The following HS3ST3A1 variants were observed in gnomAD, a reference collection of about 807,000 sequenced individuals.
The protein encoded by HS3ST3A1 is heparan sulfate-glucosamine 3-sulfotransferase 3A1.
HS3ST3A1 carries 19 observed loss-of-function variants against 25.7 expected under a neutral mutation model. The ratio of observed to expected loss-of-function variants is 0.74; its 90% CI spans 0.52 to 1.08. The LOEUF (loss-of-function observed/expected upper bound fraction) is 1.08, where lower values mean the gene tolerates loss of function less well. HS3ST3A1 is among the 50% of genes least tolerant of loss of function. HS3ST3A1 has a pLI of 0.00. For missense variants in HS3ST3A1, 459 were observed against 594.3 expected (o/e 0.77, Z 2.37); for synonymous variants, 226 against 278.6 (o/e 0.81, Z 1.88).
At chr17:13,581,145 A>G (rs1034670635) in intron 1 of HS3ST3A1, among the ~76,000 whole-genome samples, 1 of 152,194 alleles carries the variant, frequency 6.6e-6, no homozygotes, top group Non-Finnish European at 1.5e-5. Flanking sequence ...GCATTTCAAT[A>G]CAAGCATTAC....
Position 13,600,879 on chromosome 17 carries a change from G to C in HS3ST3A1, c.251C>G (p.Ala84Gly), listed in dbSNP as rs1908712344. ...TTGCAGGAGGCGCTTTCTCTGTGCC[G>C]CCGCCGGCCACACCGCCAGCTCCCT... ...GPRELAVWPA[A>G]AQRKRLLQLP... The change falls in exon 1 of 2, where the codon GCG becomes GGG. Residue 84 changes from alanine to glycine, a missense_variant. Transcript: ENST00000284110. 1 of 1,466,038 alleles carries C rather than the reference G, an allele frequency of 6.8e-7. No homozygotes were observed. Among genetic ancestry groups the C allele is most frequent in the Non-Finnish European group, 9.0e-7 (1 of 1,117,072 alleles). 90.8% of individuals were successfully genotyped at this position (1,466,038 alleles called of 1,614,324 possible). A position where few individuals can be genotyped will look rare whatever the true frequency, so the allele number is the denominator to read the frequency against.
At chr17:13,524,351 G>T (rs1480099927) in intron 1 of HS3ST3A1, among the ~76,000 whole-genome samples, 1 of 152,078 alleles carries the variant, frequency 6.6e-6, no homozygotes, top group Non-Finnish European at 1.5e-5. Context: ...TCAAGCTCCA[G>T]GGCTCAAGCG....
intron 1 of HS3ST3A1, among the ~76,000 whole-genome samples, chr17:13,568,946 C>T (rs1264788712): frequency 6.6e-6 from 1 of 152,140 alleles, no homozygotes; most frequent in Non-Finnish European, 1.5e-5. Flanking sequence ...GGTTTTAATT[C>T]CTTATGAGAG....
At chr17:13,545,247 A>G (rs1352889393) in intron 1 of HS3ST3A1, among the ~76,000 whole-genome samples, 1 of 152,226 alleles carries the variant, frequency 6.6e-6, no homozygotes, top group South Asian at 2.1e-4. Context: ...ATACCTAAAT[A>G]AAATTGATAT....
At chr17:13,543,123 T>C (rs1906982651) in intron 1 of HS3ST3A1, among the ~76,000 whole-genome samples, 1 of 152,190 alleles carries the variant, frequency 6.6e-6, no homozygotes, top group African/African-American at 2.4e-5. Flanking sequence ...TGGGTCAACA[T>C]AAGTGTTTCC....
At chr17:13,545,173 A>G (rs1482218866) in intron 1 of HS3ST3A1, among the ~76,000 whole-genome samples, 1 of 152,230 alleles carries the variant, frequency 6.6e-6, no homozygotes, top group East Asian at 1.9e-4. Flanking sequence ...TCTGACAACT[A>G]CCAAGATCAC....
intron 1 of HS3ST3A1, among the ~76,000 whole-genome samples, chr17:13,595,639 A>C (rs1908553940): frequency 6.6e-6 from 1 of 152,232 alleles, no homozygotes; most frequent in Non-Finnish European, 1.5e-5. Context: ...AATTTTCTAA[A>C]AGCTTGGAGT....
intron 1 of HS3ST3A1, among the ~76,000 whole-genome samples, chr17:13,521,919 T>C (rs1906258140): frequency 6.6e-6 from 1 of 152,136 alleles, no homozygotes; most frequent in Non-Finnish European, 1.5e-5. Context: ...TTAGGCAGCA[T>C]CTCTGGACTG....
intron 1 of HS3ST3A1, among the ~76,000 whole-genome samples, chr17:13,555,598 G>A (rs1907350989): frequency 6.6e-6 from 1 of 152,148 alleles, no homozygotes; most frequent in South Asian, 2.1e-4. Flanking sequence ...ATGTTAGACT[G>A]TATTAAGAGC....
At chr17:13,539,720 A>G (rs1906874811) in intron 1 of HS3ST3A1, among the ~76,000 whole-genome samples, 1 of 132,132 alleles carries the variant, frequency 7.6e-6, no homozygotes. Flanking sequence ...AATTCGAAAG[A>G]GACGTTAGCT....
chr17:13,560,319 A>AAAAAAAAAAAAAAAAT (rs1907502490), intron 1 of HS3ST3A1, among the ~76,000 whole-genome samples: 26 of 143,918 alleles, frequency 1.8e-4, no homozygotes, highest in Admixed American at 3.5e-4. Context: ...AAAAAAAAAA[A>AAAAAAAAAAAAAAAAT]GTGTATTACC....
intron 1 of HS3ST3A1, among the ~76,000 whole-genome samples, chr17:13,567,285 GAA>G (rs776689253): frequency 5.9e-5 from 9 of 151,736 alleles, no homozygotes; most frequent in Non-Finnish European, 1.2e-4. Flanking sequence ...CTACTGCTCA[GAA>G]AAAAAAGATA....
intron 1 of HS3ST3A1, among the ~76,000 whole-genome samples, chr17:13,595,062 T>A (rs1371474911): frequency 6.6e-6 from 1 of 151,080 alleles, no homozygotes; most frequent in African/African-American, 2.4e-5. Context: ...AGTACTAAAC[T>A]TCATTGTTAA....
intron 1 of HS3ST3A1, chr17:13,543,773 T>C (rs941997599): frequency 6.5e-6 from 1 of 152,880 alleles, no homozygotes; most frequent in Admixed American, 6.5e-5. Flanking sequence ...AGAATGAGAA[T>C]GAGCTACATA....
At position 13,496,706 on chromosome 17, in the gene HS3ST3A1, G is replaced by T. The variant is rs539769480; in HGVS notation, c.712C>A (p.Leu238Ile). 6.2e-7 allele frequency: 1 copy of T among 1,614,116 alleles called. No homozygotes were observed. Among genetic ancestry groups the T allele is most frequent in the East Asian group, 2.2e-5 (1 of 44,868 alleles). ...RISAMSKDTK[L>I]IVVVRDPVTR... ...ACCGGGTCCCGCACCACCACGATGAGCTTGGTGTCCTTGGACATGGCCGAG... is the reference window on the plus strand; with the variant it reads ...ACCGGGTCCCGCACCACCACGATGATCTTGGTGTCCTTGGACATGGCCGAG... Residue 238 changes from leucine to isoleucine, a missense_variant, in exon 2 of 2, where the codon CTC becomes ATC. Leu to Ile is a conservative substitution (Grantham distance 5). This residue lies in a region of HS3ST3A1 where 67 missense variants were observed against 231.4 expected (regional missense o/e 0.29). Coordinates refer to ENST00000284110, the MANE Select transcript of HS3ST3A1 (RefSeq NM_006042.3).
At chr17:13,534,149 T>C (rs1393358693) in intron 1 of HS3ST3A1, among the ~76,000 whole-genome samples, 2 of 152,142 alleles carry the variant, frequency 1.3e-5, no homozygotes, top group African/African-American at 4.8e-5. Flanking sequence ...TTGCTCTACT[T>C]AGTAGTAGCT....
intron 1 of HS3ST3A1, among the ~76,000 whole-genome samples, chr17:13,553,171 G>A (rs910904203): frequency 1.3e-5 from 2 of 152,160 alleles, no homozygotes; most frequent in African/African-American, 2.4e-5. Context: ...TGATTTCACT[G>A]TGTCTCTATG....
At chr17:13,551,284 G>T (rs1318484382) in intron 1 of HS3ST3A1, among the ~76,000 whole-genome samples, 1 of 151,472 alleles carries the variant, frequency 6.6e-6, no homozygotes, top group African/African-American at 2.4e-5. Flanking sequence ...GGGAGGCAGA[G>T]GTTGCAGTGA....
intron 1 of HS3ST3A1, among the ~76,000 whole-genome samples, chr17:13,500,881 A>G (rs1221163690): frequency 1.3e-5 from 2 of 152,246 alleles, no homozygotes; most frequent in Non-Finnish European, 2.9e-5. Context: ...ACAAGTGTGT[A>G]TTGACAGATG....
Sources: gnomAD v4.1 joint callset for allele counts (sites outside exome capture counted in the v4.1 genomes callset) on GRCh38, gnomAD v4.1.1 for gene constraint, gnomAD v4.1.1 regional missense constraint, MANE v1.5 for transcripts, NCBI Gene and HGNC (gene_info 2026-07-23, HGNC 2026-07-21) for gene names.